The following CCDC83 variants were observed in gnomAD, a reference collection of about 807,000 sequenced individuals.
CCDC83 encodes the protein coiled-coil domain containing 83, also known as coiled-coil domain-containing protein 83.
In CCDC83, 54 loss-of-function variants were observed where a neutral mutation model predicts 50.1. The ratio of observed to expected loss-of-function variants is 1.08; its 90% CI spans 0.87 to 1.35. CCDC83 has a LOEUF of 1.35. Among genes scored for constraint, CCDC83 ranks in the 40% most tolerant of loss-of-function variants. The pLI, the probability that CCDC83 is intolerant of heterozygous loss-of-function variation, is 0.00. For synonymous variants in CCDC83, 161 were observed against 153.3 expected, an observed-to-expected ratio of 1.05 and a Z score of -0.37; for missense variants, 518 against 473.9, an observed-to-expected ratio of 1.09 and a Z score of -0.86.
At chr11:85,876,639 G>C (rs1039029923) in intron 3 of CCDC83, among the ~76,000 whole-genome samples, 1 of 152,156 alleles carries the variant, frequency 6.6e-6, no homozygotes, top group African/African-American at 2.4e-5. Flanking sequence ...CAAATAGCTG[G>C]GATTACAGGC....
chr11:85,859,668 A>C (rs1318751538), intron 1 of CCDC83, among the ~76,000 whole-genome samples: 1 of 152,188 alleles, frequency 6.6e-6, no homozygotes, highest in African/African-American at 2.4e-5. Context: ...ACAAAAATTA[A>C]CTCAAGATGA....
chr11:85,876,321 A>G (rs76887283), intron 3 of CCDC83, among the ~76,000 whole-genome samples: 2 of 151,914 alleles, frequency 1.3e-5, no homozygotes, highest in African/African-American at 4.8e-5. Flanking sequence ...ATTGTACACC[A>G]AAAAAAATGA....
rs2093476173 is a variant in CCDC83, at chr11:85,916,124, G to C, written c.971G>C (p.Ser324Thr). 1 of 1,612,864 alleles carries C rather than the reference G, an allele frequency of 6.2e-7. No homozygotes were observed. Among genetic ancestry groups the C allele is most frequent in the South Asian group, 1.1e-5 (1 of 91,048 alleles). The change falls in exon 10 of 11, where the codon AGC becomes ACC. Residue 324 changes from serine (S) to threonine (T), a missense_variant. Physicochemically the swap from Ser to Thr is moderately conservative, Grantham distance 58. Transcript: ENST00000342404. ...ATCTTACATCTTAGTCATGAAAATA[G>C]CATCGAAGATCTCCAGTATGTGAAG... ...STILHLSHEN[S>T]IEDLQYVKID... is the part of the protein sequence containing the mutation.
intron 10 of CCDC83, among the ~76,000 whole-genome samples, chr11:85,917,209 G>GAAAGAAGGAAA (rs1565160173): frequency 1.1e-5 from 1 of 94,804 alleles, no homozygotes; most frequent in Non-Finnish European, 2.1e-5. Context: ...AAAGAAAGAA[G>GAAAGAAGGAAA]GAAAGAAAGA....
chr11:85,886,418 G>A, intron 5 of CCDC83, 51 bp downstream of exon 5: 1 of 1,428,524 alleles, frequency 7.0e-7, no homozygotes, highest in Non-Finnish European at 9.4e-7. Flanking sequence ...TCTTTAGTAG[G>A]GCATACATTG....
intron 7 of CCDC83, among the ~76,000 whole-genome samples, chr11:85,904,226 C>G (rs748133947): frequency 1.3e-5 from 2 of 152,150 alleles, no homozygotes; most frequent in Non-Finnish European, 2.9e-5. Flanking sequence ...TAAGAGAGTT[C>G]TCATATACGC....
At chr11:85,917,172 GAAAGAAA>G (rs2093483551) in intron 10 of CCDC83, among the ~76,000 whole-genome samples, 2 of 99,230 alleles carry the variant, frequency 2.0e-5, no homozygotes, top group African/African-American at 8.2e-5. Context: ...GAGAGAGAAA[GAAAGAAA>G]GAAAGAAAGA....
intron 2 of CCDC83, among the ~76,000 whole-genome samples, chr11:85,868,182 T>C (rs1172475560): frequency 2.6e-5 from 4 of 152,248 alleles, no homozygotes; most frequent in Admixed American, 6.5e-5. Flanking sequence ...GAGCTGATAC[T>C]ACCAATGTTC....
chr11:85,874,433 T>C (rs2093257699), intron 3 of CCDC83, among the ~76,000 whole-genome samples: 1 of 152,210 alleles, frequency 6.6e-6, no homozygotes, highest in African/African-American at 2.4e-5. Flanking sequence ...ATTTTCCCCT[T>C]AGCCCATCAT....
In CCDC83 at chr11:85,919,381, G is replaced by C; in HGVS notation, c.1113G>C (p.Lys371Asn). The change falls in exon 11 of 11, where the codon AAG becomes AAC. Residue 371 changes from lysine (K) to asparagine (N), a missense_variant. Coordinates refer to ENST00000342404, the MANE Select transcript of CCDC83 (RefSeq NM_001286159.2). Reference sequence around the variant, plus strand: ...TAAACTTGGGCCCCCTGGGAGTGAAGCTTATGAGTGTGGAGAGCAAGAAAA... The same window carrying C: ...TAAACTTGGGCCCCCTGGGAGTGAACCTTATGAGTGTGGAGAGCAAGAAAA... ...DYVNLGPLGVKLMSVESKKMP... is the reference protein window; with the variant it reads ...DYVNLGPLGVNLMSVESKKMP... 1.2e-6 allele frequency: 2 copies of C among 1,613,072 alleles called. No homozygotes were observed.
In CCDC83 at chr11:85,867,269, C is replaced by T. The variant is rs371802975; in HGVS notation, c.95+2051C>T. On this transcript the variant is annotated intron_variant, in intron 2 of 10. Coordinates refer to ENST00000342404, the MANE Select transcript of CCDC83 (RefSeq NM_001286159.2). ...TGGGTCTTAAACTCCTGGCCTCAAG[C>T]GATCCTCCTGCCTCAGCCTCCCAAA... Among the ~76,000 whole-genome samples, 24 of 152,150 alleles carry T rather than the reference C, an allele frequency of 1.6e-4. 2 individuals are homozygous for T. Among genetic ancestry groups the T allele is most frequent in the African/African-American group, 3.4e-4 (14 of 41,506 alleles).
At chr11:85,867,206 C>T (rs1010181388) in intron 2 of CCDC83, among the ~76,000 whole-genome samples, 1 of 152,120 alleles carries the variant, frequency 6.6e-6, no homozygotes, top group East Asian at 1.9e-4. Context: ...CAGGCATACA[C>T]CACCAGGCCC....
At chr11:85,911,770 G>T (rs1189664075) in intron 8 of CCDC83, among the ~76,000 whole-genome samples, 1 of 152,154 alleles carries the variant, frequency 6.6e-6, no homozygotes, top group Non-Finnish European at 1.5e-5. Context: ...AGGAGGAGGT[G>T]ATCCACTTGC....
At chr11:85,881,593 A>T (rs1238727180) in intron 3 of CCDC83, among the ~76,000 whole-genome samples, 1 of 151,908 alleles carries the variant, frequency 6.6e-6, no homozygotes, top group Non-Finnish European at 1.5e-5. Context: ...TAAATTTTAA[A>T]TTTTTTGTAG....
At chr11:85,861,269 G>A (rs1175773713) in intron 1 of CCDC83, among the ~76,000 whole-genome samples, 1 of 152,200 alleles carries the variant, frequency 6.6e-6, no homozygotes. Context: ...AAGTTAGATT[G>A]CTCTTTAATA....
At chr11:85,909,220 C>A (rs146661064) in intron 7 of CCDC83, among the ~76,000 whole-genome samples, 178 of 152,274 alleles carry the variant, frequency 1.2e-3, no homozygotes, top group African/African-American at 4.1e-3. Context: ...TTCCTAAATA[C>A]AATTAAATCT....
chr11:85,883,233 A>G (rs2135037870), intron 4 of CCDC83, among the ~76,000 whole-genome samples: 1 of 152,048 alleles, frequency 6.6e-6, no homozygotes, highest in South Asian at 2.1e-4. Context: ...TGACTCTTAC[A>G]ACAGGACAGT....
At chr11:85,861,277 A>G (rs1436644317) in intron 1 of CCDC83, among the ~76,000 whole-genome samples, 1 of 152,204 alleles carries the variant, frequency 6.6e-6, no homozygotes, top group Non-Finnish European at 1.5e-5. Context: ...TTGCTCTTTA[A>G]TAAGGCTTTT....
In CCDC83 at chr11:85,865,156, T is replaced by C. The variant is rs1313384556; in HGVS notation, c.33T>C (p.Asp11=). 1.9e-5 allele frequency: 31 copies of C among 1,612,862 alleles called. No individual in the cohort carries two copies. Among genetic ancestry groups the C allele is most frequent in the Non-Finnish European group, 2.5e-5 (30 of 1,179,070 alleles). ...ACTCAGGGAAAGCAAATAAAAAGGA[T>C]ACACATGACGGGCCACCAAAAGAAA... MENSGKANKK[D]THDGPPKEIK... Residue 11 remains aspartate, a synonymous_variant, in exon 2 of 11, where the codon GAT becomes GAC. Coordinates refer to ENST00000342404, the MANE Select transcript of CCDC83 (RefSeq NM_001286159.2).
Sources: allele counts gnomAD v4.1 joint callset (sites outside exome capture counted in the v4.1 genomes callset), GRCh38; gene constraint gnomAD v4.1.1; transcripts MANE v1.5; gene names NCBI Gene and HGNC (gene_info 2026-07-23, HGNC 2026-07-21).